The following GRXCR2 variants were observed in gnomAD, a reference collection of about 807,000 sequenced individuals.
The protein encoded by GRXCR2 is glutaredoxin domain-containing cysteine-rich protein 2.
A neutral mutation model predicts 24.8 loss-of-function variants in GRXCR2; 23 were observed. The observed-to-expected ratio is 0.93, with a 90% confidence interval of 0.67 to 1.32. The LOEUF is 1.32. Ranked by LOEUF, GRXCR2 falls within the 40% of genes most tolerant of loss-of-function variation. The pLI, the probability that GRXCR2 is intolerant of heterozygous loss-of-function variation, is 0.00. For missense variants in GRXCR2, 315 were observed against 303.4 expected (o/e 1.04, Z -0.28); for synonymous variants, 130 against 116.1 (o/e 1.12, Z -0.77).
In GRXCR2 at chr5:145,889,172, A is replaced by AAAAGAAAGAAAGAAAGAAAGAAAGAAAG. The variant is rs557521873; in HGVS notation, c.-69-22472_-69-22445dup. Among the ~76,000 whole-genome samples the AAAAGAAAGAAAGAAAGAAAGAAAGAAAG allele has an allele frequency of 2.3e-4, 19 of 84,046 alleles. 1 individual carries two copies. The highest frequency in any genetic ancestry group is 2.2e-3 in the East Asian group (6 of 2,782). 55.1% of individuals were successfully genotyped at this position (84,046 alleles called of 152,430 possible). ...TGACAGACCGAGACTCTGTCTCAAAAAAAGAAAGAAAGAAAGAAAGAAAGA... is the reference window on the plus strand; with the variant it reads ...TGACAGACCGAGACTCTGTCTCAAAAAAAGAAAGAAAGAAAGAAAGAAAGAAAGAAAGAAAGAAAGAAAGAAAGAAAGA... On this transcript the variant is annotated intron_variant, in intron 2 of 3. Transcript: ENST00000639411.
intron 2 of GRXCR2, among the ~76,000 whole-genome samples, chr5:145,881,232 G>T (rs1166531226): frequency 1.3e-5 from 2 of 152,200 alleles, no homozygotes; most frequent in Non-Finnish European, 2.9e-5. Context: ...AAAAGAGGAG[G>T]TCAAATTGTC....
At chr5:145,915,621 C>A (rs999532490) in intron 2 of GRXCR2, among the ~76,000 whole-genome samples, 1 of 151,840 alleles carries the variant, frequency 6.6e-6, no homozygotes. Flanking sequence ...CCCGACTCTA[C>A]TAAAAATACA....
intron 2 of GRXCR2, among the ~76,000 whole-genome samples, chr5:145,930,207 C>T (rs1055748511): frequency 2.0e-5 from 3 of 152,154 alleles, no homozygotes; most frequent in African/African-American, 7.2e-5. Context: ...GCCTCAGCCT[C>T]CCAAGTAGCT....
intron 1 of GRXCR2, among the ~76,000 whole-genome samples, chr5:145,870,247 C>G (rs1254014405): frequency 6.6e-6 from 1 of 152,044 alleles, no homozygotes; most frequent in African/African-American, 2.4e-5. Context: ...CTCCCCTGCC[C>G]CCAGCCCCTG....
chr5:145,898,617 G>A (rs985560892), intron 2 of GRXCR2, among the ~76,000 whole-genome samples: 2 of 152,052 alleles, frequency 1.3e-5, no homozygotes, highest in Non-Finnish European at 2.9e-5. Flanking sequence ...TGGGATGCAA[G>A]GTTGGTTCAA....
chr5:145,877,821 A>G (rs528568332), upstream of GRXCR2, among the ~76,000 whole-genome samples: 2 of 152,364 alleles, frequency 1.3e-5, no homozygotes, highest in Admixed American at 1.3e-4. Flanking sequence ...TGAAGCTTCC[A>G]GAGGAAGGAT....
intron 2 of GRXCR2, among the ~76,000 whole-genome samples, chr5:145,901,099 A>G (rs1237437095): frequency 6.7e-6 from 1 of 149,172 alleles, no homozygotes; most frequent in Non-Finnish European, 1.5e-5. Context: ...TAAATATCAG[A>G]TATTCATGGG....
downstream of GRXCR2, among the ~76,000 whole-genome samples, chr5:145,857,755 G>A (rs1756262194): frequency 6.6e-6 from 1 of 152,150 alleles, no homozygotes; most frequent in Admixed American, 6.5e-5. Flanking sequence ...TCTTCCTCTG[G>A]GCAACCTGCA....
chr5:145,915,627 A>C (rs1757225817), intron 2 of GRXCR2, among the ~76,000 whole-genome samples: 1 of 152,064 alleles, frequency 6.6e-6, no homozygotes, highest in Non-Finnish European at 1.5e-5. Context: ...TCTACTAAAA[A>C]TACAAAAATT....
At chr5:145,915,811 G>T (rs1757229371) in intron 2 of GRXCR2, among the ~76,000 whole-genome samples, 1 of 151,966 alleles carries the variant, frequency 6.6e-6, no homozygotes, top group Admixed American at 6.6e-5. Context: ...ACATTTCCTT[G>T]TGCCTCAGTT....
upstream of GRXCR2, among the ~76,000 whole-genome samples, chr5:145,877,060 T>C (rs368144280): frequency 6.6e-6 from 1 of 152,058 alleles, no homozygotes; most frequent in Non-Finnish European, 1.5e-5. Flanking sequence ...TGTCTTACTT[T>C]GATAAGCAAG....
At chr5:145,888,110 G>A (rs1197069181) in intron 2 of GRXCR2, among the ~76,000 whole-genome samples, 1 of 152,140 alleles carries the variant, frequency 6.6e-6, no homozygotes, top group Non-Finnish European at 1.5e-5. Context: ...TATGTCTGAT[G>A]GATTAAGAGC....
At chr5:145,910,091 T>C (rs1366713866) in intron 2 of GRXCR2, among the ~76,000 whole-genome samples, 1 of 152,198 alleles carries the variant, frequency 6.6e-6, no homozygotes, top group Non-Finnish European at 1.5e-5. Context: ...TTCATTTTGT[T>C]CCCACGCTAT....
Position 145,930,297 on chromosome 5 carries a change from C to G in GRXCR2, c.-70+5404G>C, listed in dbSNP as rs1231893561. Among the ~76,000 whole-genome samples, 3 of 152,084 alleles carry G rather than the reference C, an allele frequency of 2.0e-5. No homozygotes were observed. The East Asian group carries it at 5.8e-4, about 29-fold the overall frequency. ...ATGAGGTTTTGCCACGTTGCCCAGG[C>G]TGGTCTCAAACTCCCGGCCTCAAGT... On this transcript the variant is annotated intron_variant, in intron 2 of 3. Coordinates refer to the GRXCR2 transcript ENST00000639411.
chr5:145,924,086 T>C (rs1193370368), intron 2 of GRXCR2, among the ~76,000 whole-genome samples: 2 of 152,030 alleles, frequency 1.3e-5, no homozygotes, highest in Admixed American at 1.3e-4. Context: ...AATGGTTGAG[T>C]TTGGAGAGTG....
intron 2 of GRXCR2, among the ~76,000 whole-genome samples, chr5:145,913,964 A>G (rs1453398144): frequency 1.3e-5 from 2 of 152,266 alleles, no homozygotes. Flanking sequence ...TGATTTTAGA[A>G]TCATGCTGCA....
intron 2 of GRXCR2, among the ~76,000 whole-genome samples, chr5:145,896,540 C>G (rs1392006588): frequency 1.3e-5 from 2 of 152,166 alleles, no homozygotes; most frequent in Non-Finnish European, 2.9e-5. Flanking sequence ...AAATGCTCAT[C>G]ATCACTGGTC....
At chr5:145,917,006 A>T (rs768787178) in intron 2 of GRXCR2, among the ~76,000 whole-genome samples, 3 of 151,942 alleles carry the variant, frequency 2.0e-5, no homozygotes, top group Admixed American at 6.6e-5. Flanking sequence ...CATACAAATC[A>T]TGCATTTCAA....
intron 2 of GRXCR2, among the ~76,000 whole-genome samples, chr5:145,922,076 G>A (rs1757329391): frequency 6.6e-6 from 1 of 152,144 alleles, no homozygotes; most frequent in Non-Finnish European, 1.5e-5. Flanking sequence ...GGCTCTCTCA[G>A]TTGCTTTTTG....
Sources: allele counts gnomAD v4.1 joint callset (sites outside exome capture counted in the v4.1 genomes callset), GRCh38; gene constraint gnomAD v4.1.1; transcripts MANE v1.5; gene names NCBI Gene and HGNC (gene_info 2026-07-23, HGNC 2026-07-21).